Variants in SIGLEC1 observed in about 807,000 individuals in gnomAD.
SIGLEC1 encodes sialoadhesin.
Under a neutral mutation model 148.0 loss-of-function variants are expected in SIGLEC1, and 132 were observed. That is an observed-to-expected ratio of 0.89 (90% CI 0.77 to 1.03). SIGLEC1 has a LOEUF of 1.03. Ranked by LOEUF, SIGLEC1 falls within the 50% of genes least tolerant of loss-of-function variation. The pLI, the probability that SIGLEC1 is intolerant of heterozygous loss-of-function variation, is 0.00. For missense variants in SIGLEC1, 2,253 were observed against 2,271.4 expected, an observed-to-expected ratio of 0.99 and a Z score of 0.16; for synonymous variants, 945 against 969.0, an observed-to-expected ratio of 0.98 and a Z score of 0.46.
intron 9 of SIGLEC1, among the ~76,000 whole-genome samples, 172 bp from the exon 10 acceptor site, chr20:3,697,514 T>A (rs1011771252): frequency 2.6e-5 from 4 of 151,718 alleles, no homozygotes; most frequent in African/African-American, 9.7e-5. Flanking sequence ...CTGGGGACTG[T>A]GGGGGCCCTG....
Position 3,710,395 on chromosome 20 carries a change from G to A in SIGLEC1, c.-110+2075C>T, listed in dbSNP as rs1600293505. 6.6e-6 allele frequency among the ~76,000 whole-genome samples: 1 copy of A among 152,198 alleles called. No individual in the cohort carries two copies. The highest frequency in any genetic ancestry group is 2.1e-4 in the South Asian group (1 of 4,832). On this transcript the variant is annotated intron_variant, in intron 1 of 21. Coordinates refer to ENST00000344754, the MANE Select transcript of SIGLEC1 (RefSeq NM_023068.4). The surrounding 1 kb of genome is among the most constrained non-coding windows in gnomAD (Gnocchi z 4.6). ...GCTCCCCAGGGGACCCAGCCCTCTC[G>A]CAGGCTGCTGGAGTGGACTGATCTG...
chr20:3,694,141 G>T, intron 13 of SIGLEC1, 80 bp downstream of exon 13: 1 of 1,467,406 alleles, frequency 6.8e-7, no homozygotes. Context: ...CAGGCTTCTA[G>T]AACCCTGTCC....
chr20:3,707,001 A>G (rs2087901665), intron 2 of SIGLEC1, 79 bp downstream of exon 2: 3 of 1,442,586 alleles, frequency 2.1e-6, no homozygotes, highest in Non-Finnish European at 2.9e-6. Context: ...CATGTGACCC[A>G]GGCATAGTCT....
intron 6 of SIGLEC1, 23 bp downstream of exon 6, chr20:3,703,173 TG>T: frequency 1.2e-6 from 2 of 1,613,240 alleles, no homozygotes; most frequent in Non-Finnish European, 1.7e-6. Context: ...CTGTGTCCAG[TG>T]CCACCCCACC....
Position 3,694,376 on chromosome 20 carries a change from G to A in SIGLEC1, c.3101C>T (p.Pro1034Leu). 1 of 1,613,270 alleles carries A rather than the reference G, an allele frequency of 6.2e-7. No individual in the cohort carries two copies. Among genetic ancestry groups the A allele is most frequent in the Non-Finnish European group, 8.5e-7 (1 of 1,179,910 alleles). ...VASTLQGVGG[P>L]EGSSPRLHVA... ...ATGCAGCCTGGGAGAGCTGCCTTCG[G>A]GTCCCCCCACACCTTGTAGGGTGGA... Residue 1034 changes from proline (P) to leucine (L), a missense_variant, in exon 13 of 22, where the codon CCC (proline) becomes CTC (leucine). By Grantham distance (98) the Pro-to-Leu change is moderately conservative. Coordinates refer to ENST00000344754, the MANE Select transcript of SIGLEC1 (RefSeq NM_023068.4).
intron 8 of SIGLEC1, 128 bp from the exon 9 acceptor site, chr20:3,698,261 G>C: frequency 1.2e-6 from 1 of 811,808 alleles, no homozygotes; most frequent in Non-Finnish European, 1.9e-6. Flanking sequence ...TGTGCAGACT[G>C]TGCACTGCAC....
At position 3,687,864 on chromosome 20, in the gene SIGLEC1, C is replaced by G. The variant is rs1332839345; in HGVS notation, c.*696G>C. On this transcript the variant is annotated 3_prime_UTR_variant, in exon 22 of 22. Coordinates refer to ENST00000344754, the MANE Select transcript of SIGLEC1 (RefSeq NM_023068.4). ...AGTAGCCATGTGACAATACTCCAGC[C>G]AATGGGAAGTGAGTGGAAAAGTCCT... The G allele has an allele frequency of 1.3e-5, 2 of 153,246 alleles. No homozygotes were observed. Among genetic ancestry groups the G allele is most frequent in the Non-Finnish European group, 2.9e-5 (2 of 68,756 alleles). The allele number at this position is 153,246 out of a possible 1,614,324, so 9.5% of individuals were successfully genotyped here.
intron 4 of SIGLEC1, 120 bp from the exon 5 acceptor site, chr20:3,704,211 G>A: frequency 3.1e-6 from 3 of 954,424 alleles, no homozygotes; most frequent in Non-Finnish European, 4.7e-6. Flanking sequence ...TAAAACAGCA[G>A]TCCCCTTCAA....
At chr20:3,695,386 A>G (rs192243459) in intron 11 of SIGLEC1, among the ~76,000 whole-genome samples, 1 of 152,344 alleles carries the variant, frequency 6.6e-6, no homozygotes, top group Non-Finnish European at 1.5e-5. Context: ...AGGGAATGTT[A>G]GCAGCTATGT....
intron 7 of SIGLEC1, among the ~76,000 whole-genome samples, chr20:3,700,726 G>A (rs762813378): frequency 9.2e-4 from 122 of 132,972 alleles, no homozygotes; most frequent in Non-Finnish European, 1.7e-3. Context: ...TTGAGACAGA[G>A]TCTCACTCTT....
Position 3,704,063 on chromosome 20 carries a change from G to A in SIGLEC1, c.735C>T (p.Leu245=), listed in dbSNP as rs774874817. The part of the protein sequence containing the change: ...KYAPKGVKIL[L]SPSGRNILPG... Reference sequence around the variant, plus strand: ...GAAGGATGTTCCTCCCCGAGGGGCTGAGGAGGATCTTCACACCCTTGGGGG... The same window carrying A: ...GAAGGATGTTCCTCCCCGAGGGGCTAAGGAGGATCTTCACACCCTTGGGGG... Residue 245 remains leucine, a synonymous_variant, in exon 5 of 22, where the codon CTC becomes CTT. Coordinates refer to ENST00000344754, the MANE Select transcript of SIGLEC1 (RefSeq NM_023068.4). The A allele has an allele frequency of 1.2e-6, 2 of 1,613,204 alleles. No individual in the cohort carries two copies. Among genetic ancestry groups the A allele is most frequent in the East Asian group, 2.2e-5 (1 of 44,824 alleles).
chr20:3,690,211 G>C lies in SIGLEC1; in HGVS notation c.4645C>G (p.Arg1549Gly). The C allele has an allele frequency of 6.4e-7, 1 of 1,556,812 alleles. No homozygotes were observed. The change falls in exon 19 of 22, where the codon CGG becomes GGG. Residue 1549 changes from arginine (R) to glycine (G), a missense_variant. Transcript: ENST00000344754. ...MVFVEPEGGL[R>G]GILDCRVDSE... ...TCCACTCGGCAATCCAGGATGCCCC[G>C]GAGGCCACCCTCAGGCTCCACGAAG...
Position 3,691,552 on chromosome 20 carries a change from G to T in SIGLEC1, c.4379C>A (p.Ala1460Asp). 1 of 1,613,144 alleles carries T rather than the reference G, an allele frequency of 6.2e-7. No individual in the cohort carries two copies. The highest frequency in any genetic ancestry group is 2.2e-5 in the East Asian group (1 of 44,892). The stretch of plus-strand genomic sequence containing the variant: ...CAGGAGGCGGCAGCTGAGGTTCAGG[G>T]CAGCGCCCTCAGGCACGTCCAGGCC... ...EPGLDVPEGAALNLSCRLLGG... is the reference protein window; with the variant it reads ...EPGLDVPEGADLNLSCRLLGG... The change falls in exon 18 of 22, where the codon GCC (alanine) becomes GAC (aspartate). Residue 1460 changes from alanine (A) to aspartate (D), a missense_variant. By Grantham distance (126) the Ala-to-Asp change is moderately radical. Coordinates refer to ENST00000344754, the MANE Select transcript of SIGLEC1 (RefSeq NM_023068.4).
intron 1 of SIGLEC1, among the ~76,000 whole-genome samples, chr20:3,709,248 G>A (rs1029065527): frequency 6.6e-6 from 1 of 151,962 alleles, no homozygotes; most frequent in South Asian, 2.1e-4. Context: ...CCAAAAATGG[G>A]CAAAACACTT....
At chr20:3,689,278 C>A (rs1481957918) in intron 20 of SIGLEC1, 51 bp from the exon 21 acceptor site, 3 of 1,483,264 alleles carry the variant, frequency 2.0e-6, no homozygotes, top group African/African-American at 2.8e-5. Context: ...CCACCTCCTG[C>A]CCCCATTCCT....
chr20:3,701,332 C>T lies in SIGLEC1; in HGVS notation c.1528+10G>A, dbSNP rs373079791. ...CCTCCACTCTCCCTGGCTGCCAGTG[C>T]CCATCTTACCATTGGCATGGAAGTC... On this transcript the variant is annotated intron_variant, in intron 7 of 21. Transcript: ENST00000344754. 260 of 1,596,182 alleles carry T rather than the reference C, an allele frequency of 1.6e-4. No individual in the cohort carries two copies. Among genetic ancestry groups the T allele is most frequent in the Non-Finnish European group, 2.2e-4 (253 of 1,169,652 alleles).
Position 3,691,485 on chromosome 20 carries a change from G to A in SIGLEC1, c.4446C>T (p.Phe1482=). 3 of 1,613,478 alleles carry A rather than the reference G, an allele frequency of 1.9e-6. No individual in the cohort carries two copies. Among genetic ancestry groups the A allele is most frequent in the Non-Finnish European group, 2.5e-6 (3 of 1,179,994 alleles). The change falls in exon 18 of 22, where the codon TTC becomes TTT. Residue 1482 remains phenylalanine (F), a synonymous_variant. Coordinates refer to ENST00000344754, the MANE Select transcript of SIGLEC1 (RefSeq NM_023068.4). ...CCGCGTGCAGCCGCCGGTCATTCCA[G>A]AACCATGCAAAGGTGGAGTTGCCCA... ...GPVGNSTFAW[F]WNDRRLHAEP...
In SIGLEC1 at chr20:3,690,106, C is replaced by G. The variant is rs1379992343; in HGVS notation, c.4750G>C (p.Glu1584Gln). Residue 1584 changes from glutamate (E) to glutamine (Q), a missense_variant, in exon 19 of 22, where the codon GAG becomes CAG. Physicochemically the swap from Glu to Gln is conservative, Grantham distance 29. Transcript: ENST00000344754. ...GAAGCCAGGACATGGATGTGTGGCT[C>G]TGCAGGAGCACCCTGGGGCTGACTG... is the stretch of plus-strand genomic sequence containing the variant. ...ASSQPQGAPA[E>Q]PHIHVLASPN... 1.9e-6 allele frequency: 3 copies of G among 1,611,184 alleles called. No homozygotes were observed. In the South Asian group the frequency reaches 3.3e-5, roughly 18 times the overall value.
At chr20:3,711,488 T>C (rs1403808620) in intron 1 of SIGLEC1, among the ~76,000 whole-genome samples, 3 of 152,234 alleles carry the variant, frequency 2.0e-5, no homozygotes, top group South Asian at 4.1e-4. Flanking sequence ...GGCCCGGGTG[T>C]AGGATTCAGT....
Sources: gnomAD v4.1 joint callset for allele counts (sites outside exome capture counted in the v4.1 genomes callset) on GRCh38, gnomAD v4.1.1 for gene constraint, Gnocchi (gnomAD v3.1) non-coding constraint, MANE v1.5 for transcripts, NCBI Gene and HGNC (gene_info 2026-07-23, HGNC 2026-07-21) for gene names.